Variants in TESC observed in about 807,000 individuals in gnomAD.
The protein encoded by TESC is tescalcin.
A neutral mutation model predicts 31.0 loss-of-function variants in TESC; 19 were observed. The ratio of observed to expected loss-of-function variants is 0.61; its 90% CI spans 0.43 to 0.90. The LOEUF is 0.90. Ranked by LOEUF, TESC falls within the 40% of genes least tolerant of loss-of-function variation. The probability of loss-of-function intolerance (pLI) is 0.00; values close to 1 mark genes in which losing one functional copy is unlikely to be tolerated. For synonymous variants in TESC, 109 were observed against 114.8 expected (o/e 0.95, Z 0.32); for missense variants, 248 against 303.8 (o/e 0.82, Z 1.36).
chr12:117,094,680 T>C (rs999031770), intron 1 of TESC, among the ~76,000 whole-genome samples: 12 of 152,084 alleles, frequency 7.9e-5, no homozygotes, highest in African/African-American at 2.7e-4. Context: ...GAGCAGCAGG[T>C]AAGCCAACCC....
rs78629908 is a variant in TESC at position 117,054,401 on chromosome 12, G to A, written c.209+2405C>T. ...TGCTGCTGGTCCACAGATGCTGTCC[G>A]ATGCAGCCTGCCCTCCCCACACCAC... is the stretch of plus-strand genomic sequence containing the variant. On this transcript the variant is annotated intron_variant, in intron 3 of 7. Transcript: ENST00000335209. Among the ~76,000 whole-genome samples the A allele has an allele frequency of 5.8e-3, 881 of 152,090 alleles. 9 individuals are homozygous for A. Among genetic ancestry groups the A allele is most frequent in the African/African-American group, 0.02 (827 of 41,454 alleles).
At chr12:117,095,028 AAAAG>A (rs1457128951) in intron 1 of TESC, among the ~76,000 whole-genome samples, 5 of 151,510 alleles carry the variant, frequency 3.3e-5, no homozygotes, top group East Asian at 1.9e-4. Context: ...AAAAAAAAAA[AAAAG>A]AGAGAGAGAC....
At chr12:117,069,568 G>A (rs149153375) in intron 2 of TESC, among the ~76,000 whole-genome samples, 5 of 152,148 alleles carry the variant, frequency 3.3e-5, no homozygotes, top group East Asian at 1.9e-4. Context: ...ATCAGGTACC[G>A]GGCTGTGTAA....
At chr12:117,040,537 C>T (rs975753915) in intron 7 of TESC, among the ~76,000 whole-genome samples, 1 of 152,096 alleles carries the variant, frequency 6.6e-6, no homozygotes, top group African/African-American at 2.4e-5. Context: ...CCCAACCCTC[C>T]CTCCCTCCTC....
intron 2 of TESC, among the ~76,000 whole-genome samples, chr12:117,062,838 C>T (rs1412394184): frequency 6.6e-6 from 1 of 152,236 alleles, no homozygotes; most frequent in East Asian, 1.9e-4. Flanking sequence ...GCCCAGGCTG[C>T]AGCCATGGGA....
intron 1 of TESC, among the ~76,000 whole-genome samples, chr12:117,076,339 G>A (rs1955073966): frequency 6.6e-6 from 1 of 152,126 alleles, no homozygotes; most frequent in Admixed American, 6.6e-5. Context: ...CTCCAATCTG[G>A]TGATGGGGTA....
chr12:117,075,713 C>T (rs958875594), intron 1 of TESC, among the ~76,000 whole-genome samples: 2 of 150,866 alleles, frequency 1.3e-5, no homozygotes, highest in Non-Finnish European at 2.9e-5. Flanking sequence ...CTGGAGTACA[C>T]TGGCACGACC....
At chr12:117,080,970 C>T (rs1160578931) in intron 1 of TESC, among the ~76,000 whole-genome samples, 4 of 152,176 alleles carry the variant, frequency 2.6e-5, no homozygotes, top group South Asian at 2.1e-4. Context: ...AGTTGCCATG[C>T]GGATGATGGG....
Position 117,093,537 on chromosome 12 carries a change from G to C in TESC, c.58+5688C>G, listed in dbSNP as rs370675115. Among the ~76,000 whole-genome samples the C allele has an allele frequency of 3.9e-5, 6 of 152,230 alleles. No homozygotes were observed. In the South Asian group the frequency reaches 1.2e-3, roughly 32 times the overall value. ...GCCTCCCAAAGTGCTGGGATTACAA[G>C]CATGAGCCACCGCACCAGCCTGCGA... On this transcript the variant is annotated intron_variant, in intron 1 of 7. Transcript: ENST00000335209.
intron 1 of TESC, among the ~76,000 whole-genome samples, chr12:117,092,981 TGCCAGGGGAAAA>T (rs561115331): frequency 8.9e-4 from 136 of 152,292 alleles, no homozygotes; most frequent in Non-Finnish European, 1.6e-3. Context: ...TCCCTGAAGA[TGCCAGGGGAAAA>T]GCCACAACCT....
At chr12:117,073,102 T>C (rs568401555) in intron 2 of TESC, among the ~76,000 whole-genome samples, 2 of 152,336 alleles carry the variant, frequency 1.3e-5, no homozygotes, top group Admixed American at 6.5e-5. Context: ...GGCTGACTTG[T>C]GTCATGCTAC....
chr12:117,075,910 T>C (rs1955060870), intron 1 of TESC, among the ~76,000 whole-genome samples: 3 of 78,510 alleles, frequency 3.8e-5, no homozygotes, highest in African/African-American at 8.8e-5. Flanking sequence ...TATATATATA[T>C]ATATGTGTGT....
At chr12:117,046,959 G>C (rs1043986186) in intron 4 of TESC, 121 bp from the exon 5 acceptor site, 13 of 1,082,378 alleles carry the variant, frequency 1.2e-5, no homozygotes, top group Middle Eastern at 2.7e-4. Context: ...CAAAGCCAGA[G>C]GGGTCAGGGC....
At chr12:117,053,523 G>GT (rs142266228) in intron 3 of TESC, among the ~76,000 whole-genome samples, 7,073 of 151,644 alleles carry the variant, frequency 0.047, 281 homozygotes, top group Non-Finnish European at 0.067. Context: ...CTTGGGTCAA[G>GT]TTTTTTTTTA....
chr12:117,051,321 A>G lies in TESC; in HGVS notation c.210-2163T>C, dbSNP rs1016282114. ...GTGTCCTGGGAACTCCCACTTTTTT[A>G]TTTTTCTCTTCCAGGAGATTTTCCA... On this transcript the variant is annotated intron_variant, in intron 3 of 7. Transcript: ENST00000335209. Among the ~76,000 whole-genome samples, 6 of 151,792 alleles carry G rather than the reference A, an allele frequency of 4.0e-5. 1 individual carries two copies. Among genetic ancestry groups the G allele is most frequent in the Admixed American group, 3.3e-4 (5 of 15,222 alleles).
Position 117,099,372 on chromosome 12 carries a change from G to A in TESC, c.-90C>T, listed in dbSNP as rs1467367532. ...CAGCGGCGGGACTGGCCTCGGGTCC[G>A]GCCTCGGGTCGGGACGCCGGCGAAG... is the stretch of plus-strand genomic sequence containing the variant. On this transcript the variant is annotated 5_prime_UTR_variant, in exon 1 of 8. Transcript: ENST00000335209. 4.8e-6 allele frequency: 6 copies of A among 1,261,234 alleles called. No individual in the cohort carries two copies. Among genetic ancestry groups the A allele is most frequent in the South Asian group, 2.2e-5 (1 of 45,536 alleles). 78.1% of individuals were successfully genotyped at this position (1,261,234 alleles called of 1,614,324 possible).
intron 7 of TESC, 66 bp from the exon 8 acceptor site, chr12:117,039,276 C>A (rs1052192369): frequency 4.1e-6 from 6 of 1,476,872 alleles, no homozygotes; most frequent in Non-Finnish European, 5.6e-6. Context: ...CCAGGCCCCC[C>A]GGTCCTCGGC....
chr12:117,093,710 G>A (rs565263216), intron 1 of TESC, among the ~76,000 whole-genome samples: 4 of 152,278 alleles, frequency 2.6e-5, no homozygotes, highest in African/African-American at 7.2e-5. Flanking sequence ...TCAGCTGAAC[G>A]TGTGGCAGAT....
chr12:117,078,453 G>A (rs756471477), intron 1 of TESC, among the ~76,000 whole-genome samples: 11 of 152,200 alleles, frequency 7.2e-5, no homozygotes, highest in Middle Eastern at 3.4e-3. Flanking sequence ...GCAAGAGAAC[G>A]AGACTCTGCC....
Sources: gnomAD v4.1 joint callset for allele counts (sites outside exome capture counted in the v4.1 genomes callset) on GRCh38, gnomAD v4.1.1 for gene constraint, MANE v1.5 for transcripts, NCBI Gene and HGNC (gene_info 2026-07-23, HGNC 2026-07-21) for gene names.